Variants in ADGRL2 observed in about 807,000 individuals in gnomAD.
ADGRL2 encodes the protein calcium-independent alpha-latrotoxin receptor 2.
ADGRL2 carries 44 observed loss-of-function variants against 157.4 expected under a neutral mutation model. The observed-to-expected ratio is 0.28, with a 90% confidence interval of 0.22 to 0.36. The LOEUF is 0.36. Ranked by LOEUF, ADGRL2 falls within the 10% of genes least tolerant of loss-of-function variation. The probability of loss-of-function intolerance (pLI) is 1.00; values close to 1 mark genes in which losing one functional copy is unlikely to be tolerated. For missense variants in ADGRL2, 1,510 were observed against 1,768.9 expected (o/e 0.85, Z 2.63); for synonymous variants, 585 against 624.7 (o/e 0.94, Z 0.95).
chr1:81,510,412 A>G (rs2079054760), intron 2 of ADGRL2, among the ~76,000 whole-genome samples: 1 of 152,156 alleles, frequency 6.6e-6, no homozygotes, highest in Admixed American at 6.5e-5. Flanking sequence ...CTGAAAAACA[A>G]AATTCCTTAT....
Position 81,547,817 on chromosome 1 carries a change from T to C in ADGRL2, c.-247-33059T>C, listed in dbSNP as rs2080054555. Reference sequence around the variant, plus strand: ...AGGTAGAAGTTTGCAACAAGGGAACTTGATTTAAGGGATAAGTGTCAGTGC... The same window carrying C: ...AGGTAGAAGTTTGCAACAAGGGAACCTGATTTAAGGGATAAGTGTCAGTGC... On this transcript the variant is annotated intron_variant, in intron 2 of 24. Transcript: ENST00000370721. Among the ~76,000 whole-genome samples the C allele has an allele frequency of 2.6e-5, 4 of 152,310 alleles. No homozygotes were observed. The South Asian group carries it at 8.3e-4, about 32-fold the overall frequency.
intron 2 of ADGRL2, among the ~76,000 whole-genome samples, chr1:81,559,715 T>G (rs750134523): frequency 2.0e-5 from 3 of 152,152 alleles, no homozygotes; most frequent in African/African-American, 7.2e-5. Flanking sequence ...TCTGACCCAG[T>G]GCAGGTGTTA....
chr1:81,792,839 A>G (rs187682053), intron 2 of ADGRL2, among the ~76,000 whole-genome samples: 1 of 152,252 alleles, frequency 6.6e-6, no homozygotes, highest in East Asian at 1.9e-4. Context: ...AGTTTAAATA[A>G]TGGTGCTGTA....
rs115905522 is a variant in ADGRL2, at chr1:81,519,072, T to A, written c.-247-61804T>A. Among the ~76,000 whole-genome samples the A allele has an allele frequency of 8.2e-3, 1,245 of 152,290 alleles. 8 individuals are homozygous for A. Among genetic ancestry groups the A allele is most frequent in the Non-Finnish European group, 0.013 (858 of 68,016 alleles). Reference sequence around the variant, plus strand: ...TAGGCCCATTTTACAGATGGGTGAATGGAGTCACAGAGATTATGCGTATGT... The same window carrying A: ...TAGGCCCATTTTACAGATGGGTGAAAGGAGTCACAGAGATTATGCGTATGT... On this transcript the variant is annotated intron_variant, in intron 2 of 24. Transcript: ENST00000370721.
chr1:81,407,781 T>C (rs2076878541), intron 1 of ADGRL2, among the ~76,000 whole-genome samples: 1 of 151,764 alleles, frequency 6.6e-6, no homozygotes, highest in Admixed American at 6.6e-5. Flanking sequence ...CATAAGAAAA[T>C]GTAATGAAAT....
At chr1:81,766,847 G>GAAAAAAAAAAAAAAAAAAAAA (rs66946051) in intron 2 of ADGRL2, among the ~76,000 whole-genome samples, 1 of 117,822 alleles carries the variant, frequency 8.5e-6, no homozygotes, top group Non-Finnish European at 1.8e-5. Context: ...AAAAAAAAAG[G>GAAAAAAAAAAAAAAAAAAAAA]AAAAAAAAAA....
intron 3 of ADGRL2, among the ~76,000 whole-genome samples, chr1:81,650,170 G>A (rs2082386390): frequency 6.6e-6 from 1 of 151,842 alleles, no homozygotes; most frequent in Non-Finnish European, 1.5e-5. Context: ...TTTCTGTCTT[G>A]TTCTTCACTC....
intron 2 of ADGRL2, among the ~76,000 whole-genome samples, chr1:81,573,670 C>A (rs1380505645): frequency 2.0e-5 from 3 of 152,122 alleles, no homozygotes; most frequent in Non-Finnish European, 4.4e-5. Flanking sequence ...CTGGTACTGG[C>A]TCTATCCCGT....
chr1:81,814,102 A>C (rs2090147258), intron 1 of ADGRL2, among the ~76,000 whole-genome samples: 1 of 151,796 alleles, frequency 6.6e-6, no homozygotes, highest in African/African-American at 2.4e-5. Flanking sequence ...AGGGATGTTT[A>C]TGACAAGGAA....
intron 1 of ADGRL2, among the ~76,000 whole-genome samples, chr1:81,418,031 C>T (rs903549892): frequency 2.6e-5 from 4 of 152,122 alleles, no homozygotes; most frequent in Admixed American, 1.3e-4. Flanking sequence ...TGTTCAGTTT[C>T]ATTGAGTGCT....
At chr1:81,554,324 C>G (rs2080220378) in intron 2 of ADGRL2, among the ~76,000 whole-genome samples, 1 of 152,084 alleles carries the variant, frequency 6.6e-6, no homozygotes, top group South Asian at 2.1e-4. Context: ...CTGGTTTCAC[C>G]CCAGTCTCAT....
chr1:81,720,706 A>G (rs1045597073), intron 1 of ADGRL2, among the ~76,000 whole-genome samples: 25 of 152,076 alleles, frequency 1.6e-4, no homozygotes, highest in Non-Finnish European at 5.9e-5. Flanking sequence ...TACTCAATAT[A>G]AAAAGGCTAT....
intron 1 of ADGRL2, among the ~76,000 whole-genome samples, chr1:81,348,647 C>G (rs1273890526): frequency 6.6e-6 from 1 of 151,988 alleles, no homozygotes; most frequent in Admixed American, 6.6e-5. Context: ...GCACCACCAC[C>G]ACCAACAACA....
intron 2 of ADGRL2, among the ~76,000 whole-genome samples, chr1:81,900,229 T>A (rs995199171): frequency 1.3e-5 from 2 of 152,140 alleles, no homozygotes; most frequent in African/African-American, 4.8e-5. Context: ...AGTGTAAAAT[T>A]AGAATTGTCA....
chr1:81,324,536 A>G (rs752799006), intron 1 of ADGRL2, among the ~76,000 whole-genome samples: 117 of 149,408 alleles, frequency 7.8e-4, no homozygotes, highest in Non-Finnish European at 1.2e-3. Context: ...TCTATATAAT[A>G]TTTTTAAAAT....
intron 2 of ADGRL2, among the ~76,000 whole-genome samples, chr1:81,576,094 A>G (rs1001914783): frequency 6.6e-6 from 1 of 152,108 alleles, no homozygotes; most frequent in African/African-American, 2.4e-5. Flanking sequence ...TTTATTTAAG[A>G]GGTTTTTGCT....
intron 2 of ADGRL2, among the ~76,000 whole-genome samples, chr1:81,793,963 T>C (rs1464228587): frequency 4.6e-5 from 7 of 152,156 alleles, no homozygotes; most frequent in Non-Finnish European, 7.4e-5. Flanking sequence ...TTCACATTCT[T>C]GGGTTCCTCA....
intron 2 of ADGRL2, among the ~76,000 whole-genome samples, chr1:81,764,321 G>C (rs888590423): frequency 2.6e-5 from 4 of 150,998 alleles, no homozygotes; most frequent in Admixed American, 6.6e-5. Flanking sequence ...GAATATTTTT[G>C]ATATTAAAAA....
chr1:81,968,327 T>C, intron 14 of ADGRL2, 128 bp downstream of exon 14: 1 of 773,908 alleles, frequency 1.3e-6, no homozygotes, highest in South Asian at 1.7e-5. Context: ...TGATTTCTAA[T>C]TGTTTCTACA....
Sources: gnomAD v4.1 joint callset for allele counts (sites outside exome capture counted in the v4.1 genomes callset) on GRCh38, gnomAD v4.1.1 for gene constraint, MANE v1.5 for transcripts, NCBI Gene and HGNC (gene_info 2026-07-23, HGNC 2026-07-21) for gene names.